The following CLVS1 variants were observed in gnomAD, a reference collection of about 807,000 sequenced individuals.
CLVS1 encodes clavesin-1.
A neutral mutation model predicts 33.1 loss-of-function variants in CLVS1; 10 were observed. The ratio of observed to expected loss-of-function variants is 0.30; its 90% CI spans 0.19 to 0.51. The LOEUF is 0.51. Among genes scored for constraint, CLVS1 ranks in the 20% least tolerant of loss-of-function variants. The probability of loss-of-function intolerance (pLI) is 0.97; values close to 1 mark genes in which losing one functional copy is unlikely to be tolerated. For synonymous variants in CLVS1, 163 were observed against 166.1 expected (o/e 0.98, Z 0.14); for missense variants, 343 against 433.4 (o/e 0.79, Z 1.85).
intron 1 of CLVS1, among the ~76,000 whole-genome samples, chr8:61,120,682 CTCAGGGG>C (rs1213707287): frequency 1.4e-5 from 2 of 138,782 alleles, no homozygotes; most frequent in African/African-American, 2.8e-5. Context: ...AGTTAGGCTG[CTCAGGGG>C]TCAGGGGTCA....
chr8:61,293,452 C>T (rs1810070002), intron 1 of CLVS1, among the ~76,000 whole-genome samples: 2 of 152,232 alleles, frequency 1.3e-5, no homozygotes, highest in South Asian at 4.1e-4. Context: ...CACCATGGAA[C>T]ATGTAACCAA....
intron 5 of CLVS1, among the ~76,000 whole-genome samples, chr8:61,470,916 C>A (rs1817712842): frequency 6.6e-6 from 1 of 152,162 alleles, no homozygotes; most frequent in African/African-American, 2.4e-5. Context: ...TCCTTCACAG[C>A]CCCACTTAGA....
At chr8:61,366,122 A>AT (rs1813201403) in intron 2 of CLVS1, among the ~76,000 whole-genome samples, 1 of 152,032 alleles carries the variant, frequency 6.6e-6, no homozygotes, top group Non-Finnish European at 1.5e-5. Context: ...CATTGGGATC[A>AT]TTTTTTGTTT....
the CLVS1 span, among the ~76,000 whole-genome samples, chr8:61,000,221 G>C: frequency 8.5e-5 from 13 of 152,232 alleles, no homozygotes; most frequent in Admixed American, 3.9e-4. Flanking sequence ...CAGAGAAAGA[G>C]AGTCCCATCT....
At chr8:61,212,161 CA>C (rs1807983918) in intron 2 of CLVS1, among the ~76,000 whole-genome samples, 1 of 152,216 alleles carries the variant, frequency 6.6e-6, no homozygotes, top group African/African-American at 2.4e-5. Flanking sequence ...AGGCTGATAG[CA>C]GAAGCAGCCT....
At chr8:61,320,654 G>T (rs1811162031) in intron 2 of CLVS1, among the ~76,000 whole-genome samples, 1 of 152,198 alleles carries the variant, frequency 6.6e-6, no homozygotes, top group Non-Finnish European at 1.5e-5. Flanking sequence ...CCTGTCTCCT[G>T]GTTCATAGAT....
intron 1 of CLVS1, among the ~76,000 whole-genome samples, chr8:61,074,954 C>T (rs191593854): frequency 8.1e-4 from 124 of 152,216 alleles, no homozygotes; most frequent in African/African-American, 2.7e-3. Flanking sequence ...GGGGGAAGCA[C>T]ACTTTTGAAA....
At chr8:61,265,327 A>T (rs1354938683) in intron 2 of CLVS1, among the ~76,000 whole-genome samples, 1 of 152,166 alleles carries the variant, frequency 6.6e-6, no homozygotes, top group African/African-American at 2.4e-5. Context: ...TTCAAATCCC[A>T]GGTCTGCTGC....
chr8:61,143,219 G>C (rs1249932026), intron 2 of CLVS1, among the ~76,000 whole-genome samples: 2 of 152,130 alleles, frequency 1.3e-5, no homozygotes, highest in Non-Finnish European at 2.9e-5. Context: ...ATACACTTGA[G>C]GCTAGACAGG....
At chr8:61,468,858 G>A (rs576547260) in intron 5 of CLVS1, among the ~76,000 whole-genome samples, 5 of 152,166 alleles carry the variant, frequency 3.3e-5, no homozygotes, top group South Asian at 4.1e-4. Context: ...ACCGCTTATC[G>A]GAATTCCAGA....
chr8:61,203,459 GAC>G (rs2129305551), intron 2 of CLVS1, among the ~76,000 whole-genome samples: 2 of 152,132 alleles, frequency 1.3e-5, no homozygotes, highest in South Asian at 4.2e-4. Flanking sequence ...GTTATGATAG[GAC>G]ACAGTAGTAG....
the CLVS1 span, among the ~76,000 whole-genome samples, chr8:60,979,561 C>T: frequency 6.6e-6 from 1 of 152,180 alleles, no homozygotes; most frequent in Non-Finnish European, 1.5e-5. Flanking sequence ...GGCAGACATT[C>T]AACTGAAGTA....
the CLVS1 span, among the ~76,000 whole-genome samples, chr8:61,033,097 A>G: frequency 8.3e-6 from 1 of 120,580 alleles, no homozygotes; most frequent in African/African-American, 3.3e-5. Context: ...GAAAGAAAGA[A>G]AGATAGAAAG....
At chr8:61,114,238 A>C (rs761954832) in intron 1 of CLVS1, among the ~76,000 whole-genome samples, 11 of 152,270 alleles carry the variant, frequency 7.2e-5, no homozygotes, top group Non-Finnish European at 1.6e-4. Flanking sequence ...GGCAGACTAT[A>C]GTTGCTTTAC....
chr8:61,324,903 A>G (rs946337086), intron 2 of CLVS1, among the ~76,000 whole-genome samples: 1 of 152,182 alleles, frequency 6.6e-6, no homozygotes, highest in Non-Finnish European at 1.5e-5. Flanking sequence ...ATGTCAAGCC[A>G]TCTGCCCATA....
chr8:61,072,650 G>C (rs1317437063), intron 1 of CLVS1, among the ~76,000 whole-genome samples: 1 of 152,182 alleles, frequency 6.6e-6, no homozygotes, highest in Non-Finnish European at 1.5e-5. Flanking sequence ...TGTAAACACA[G>C]CTAATGGGTC....
intron 1 of CLVS1, among the ~76,000 whole-genome samples, chr8:61,074,630 G>T (rs553797815): frequency 6.6e-6 from 1 of 151,900 alleles, no homozygotes; most frequent in African/African-American, 2.4e-5. Context: ...TCCTGACCTG[G>T]ATTTGAACCT....
chr8:61,455,107 A>G (rs953724542), intron 4 of CLVS1, among the ~76,000 whole-genome samples: 1 of 152,080 alleles, frequency 6.6e-6, no homozygotes, highest in East Asian at 1.9e-4. Flanking sequence ...ATGTTTTTAT[A>G]TACCTATGCA....
intron 1 of CLVS1, among the ~76,000 whole-genome samples, chr8:61,126,690 C>A (rs1805979192): frequency 1.3e-5 from 2 of 152,210 alleles, no homozygotes; most frequent in African/African-American, 4.8e-5. Context: ...GGGAAAATTT[C>A]TCTTCTTTGC....
Sources: allele counts gnomAD v4.1 joint callset (sites outside exome capture counted in the v4.1 genomes callset), GRCh38; gene constraint gnomAD v4.1.1; transcripts MANE v1.5; gene names NCBI Gene and HGNC (gene_info 2026-07-23, HGNC 2026-07-21).